Variants in APBB1 observed in about 807,000 individuals in gnomAD.
APBB1 encodes amyloid beta precursor protein binding family B member 1.
APBB1 carries 22 observed loss-of-function variants against 78.4 expected under a neutral mutation model. The ratio of observed to expected loss-of-function variants is 0.28; its 90% CI spans 0.20 to 0.40. The LOEUF (loss-of-function observed/expected upper bound fraction) is 0.40. Among genes scored for constraint, APBB1 ranks in the 10% least tolerant of loss-of-function variants. APBB1 has a pLI of 1.00. For synonymous variants in APBB1, 369 were observed against 372.7 expected (o/e 0.99, Z 0.12); for missense variants, 749 against 932.4 (o/e 0.80, Z 2.56).
Position 6,401,894 on chromosome 11 carries a change from G to C in APBB1, c.1388+83C>G. On this transcript the variant is annotated intron_variant, in intron 9 of 14. Coordinates refer to ENST00000609360, the MANE Select transcript of APBB1 (RefSeq NM_001164.5). The surrounding 1 kb of genome is among the most constrained non-coding windows in gnomAD (Gnocchi z 4.5). Reference sequence around the variant, plus strand: ...GGGTAATGGTGGAGCATAGCGGGTGGGAAGGGGCAGGGCAGAAGAGGGGAG... The same window carrying C: ...GGGTAATGGTGGAGCATAGCGGGTGCGAAGGGGCAGGGCAGAAGAGGGGAG... 1 of 1,538,316 alleles carries C rather than the reference G, an allele frequency of 6.5e-7. No homozygotes were observed.
In APBB1 at chr11:6,395,906, G is replaced by A; in HGVS notation, c.1845C>T (p.Gly615=). 5.0e-6 allele frequency: 8 copies of A among 1,613,958 alleles called. No homozygotes were observed. The highest frequency in any genetic ancestry group is 6.8e-6 in the Non-Finnish European group (8 of 1,180,006). Residue 615 remains glycine, a synonymous_variant, in exon 14 of 15, where the codon GGC becomes GGT. Transcript: ENST00000609360. This position sits in a 1 kb window ranked among gnomAD's most constrained non-coding sequence, Gnocchi z 5.2. The stretch of plus-strand genomic sequence containing the variant: ...TGAATGCAAACGTGTGGACATCTCT[G>A]CCCACGGCCAGGAAGGAGAGGAAAC... ...RVRFLSFLAV[G]RDVHTFAFIM...
rs1848157226 is a variant in APBB1 at position 6,395,473 on chromosome 11, C to T, written c.*61G>A. ...GAATAGCCTCTAGACCCCTCCCTGA[C>T]CCACACCCTTTAGTTCCCTGGGGCC... On this transcript the variant is annotated 3_prime_UTR_variant, in exon 15 of 15. Transcript: ENST00000609360. This position sits in a 1 kb window ranked among gnomAD's most constrained non-coding sequence, Gnocchi z 5.2. The T allele has an allele frequency of 1.7e-5, 25 of 1,475,512 alleles. No individual in the cohort carries two copies. Among genetic ancestry groups the T allele is most frequent in the Middle Eastern group, 2.5e-4 (1 of 3,930 alleles). The allele number at this position is 1,475,512 out of a possible 1,614,324, so 91.4% of individuals were successfully genotyped here.
chr11:6,396,059 T>C, intron 13 of APBB1, 41 bp downstream of exon 13: 4 of 1,600,170 alleles, frequency 2.5e-6, no homozygotes, highest in Non-Finnish European at 3.4e-6. Context: ...GTCTCCCCTC[T>C]ATGGCAAGGC....
intron 2 of APBB1, chr11:6,404,775 G>C: frequency 1.3e-6 from 2 of 1,536,318 alleles, no homozygotes; most frequent in Non-Finnish European, 1.7e-6. Context: ...ATAATGGCCA[G>C]GAAAAAGTCC....
rs966637934 is a variant in APBB1, at chr11:6,403,953, G to A, written c.722-131C>T. The A allele has an allele frequency of 1.0e-6, 1 of 1,003,498 alleles. No individual in the cohort carries two copies. The highest frequency in any genetic ancestry group is 1.4e-6 in the Non-Finnish European group (1 of 706,442). 62.2% of individuals were successfully genotyped at this position (1,003,498 alleles called of 1,614,324 possible). A position where few individuals can be genotyped will look rare whatever the true frequency, so the allele number is the denominator to read the frequency against. Reference sequence around the variant, plus strand: ...AGAGCTATACCACAACACAGTTCCTGCTTCTGCCTAGAGCCTATAGTCTGG... The same window carrying A: ...AGAGCTATACCACAACACAGTTCCTACTTCTGCCTAGAGCCTATAGTCTGG... On this transcript the variant is annotated intron_variant, in intron 2 of 14. Coordinates refer to ENST00000609360, the MANE Select transcript of APBB1 (RefSeq NM_001164.5). This position sits in a 1 kb window ranked among gnomAD's most constrained non-coding sequence, Gnocchi z 5.3.
intron 2 of APBB1, among the ~76,000 whole-genome samples, chr11:6,408,230 A>G (rs912931774): frequency 1.3e-5 from 2 of 152,250 alleles, no homozygotes; most frequent in African/African-American, 4.8e-5. Flanking sequence ...ACCACAGGAG[A>G]GAGTCTGAAA....
chr11:6,405,507 C>G (rs1848766641), intron 2 of APBB1: 1 of 986,510 alleles, frequency 1.0e-6, no homozygotes, highest in Admixed American at 6.1e-5. Flanking sequence ...CCTGACTGGT[C>G]CAAGAGGCAG....
chr11:6,407,419 C>A (rs1156575755), intron 2 of APBB1, among the ~76,000 whole-genome samples: 2 of 152,250 alleles, frequency 1.3e-5, no homozygotes, highest in African/African-American at 2.4e-5. Context: ...AAGTGAGCAA[C>A]TAGGCCTCTA....
At chr11:6,412,447 G>C (rs979101478) in intron 1 of APBB1, among the ~76,000 whole-genome samples, 6 of 152,050 alleles carry the variant, frequency 3.9e-5, no homozygotes, top group African/African-American at 1.4e-4. Flanking sequence ...CACTGCGTCC[G>C]GCCCAGCCTT....
chr11:6,402,429 C>T (rs1005559919), intron 7 of APBB1, 147 bp downstream of exon 7: 18 of 1,106,810 alleles, frequency 1.6e-5, no homozygotes, highest in African/African-American at 4.7e-5. Context: ...GGCCTGGGGT[C>T]GCTCATCCAT....
At chr11:6,412,963 C>T (rs1849012530) in intron 1 of APBB1, among the ~76,000 whole-genome samples, 1 of 152,076 alleles carries the variant, frequency 6.6e-6, no homozygotes, top group Non-Finnish European at 1.5e-5. Flanking sequence ...AGTTTCTCCG[C>T]AACCATTTGA....
intron 12 of APBB1, chr11:6,396,438 G>C (rs1422993799): frequency 1.2e-5 from 6 of 515,638 alleles, no homozygotes; most frequent in Non-Finnish European, 2.0e-5. Flanking sequence ...TTGGATCCTA[G>C]GCTCGTTATT....
Position 6,410,621 on chromosome 11 carries a change from A to G in APBB1, c.721+6T>C. Reference sequence around the variant, plus strand: ...CCACATGCCCATGTCAAGCTCCACAAGGTACCTGTGTCCTCTGGGGAGCCA... The same window carrying G: ...CCACATGCCCATGTCAAGCTCCACAGGGTACCTGTGTCCTCTGGGGAGCCA... On this transcript the variant is annotated splice_donor_region_variant and intron_variant, in intron 2 of 14. Coordinates refer to ENST00000609360, the MANE Select transcript of APBB1 (RefSeq NM_001164.5). 12 of 1,512,344 alleles carry G rather than the reference A, an allele frequency of 7.9e-6. No homozygotes were observed. The highest frequency in any genetic ancestry group is 1.1e-5 in the Non-Finnish European group (12 of 1,131,000). 93.7% of individuals were successfully genotyped at this position (1,512,344 alleles called of 1,614,324 possible). A position where few individuals can be genotyped will look rare whatever the true frequency, so the allele number is the denominator to read the frequency against.
chr11:6,395,790 C>G lies in APBB1; in HGVS notation c.1961G>C (p.Cys654Ser). 1 of 1,613,846 alleles carries G rather than the reference C, an allele frequency of 6.2e-7. No individual in the cohort carries two copies. ...ACCACCCTACTAGTAGCTTACCATG[C>G]ACGCAGCCTGCACAGCCTCTGAGAG... ...ASLSEAVQAA[C>S]MLRYQKCLDA... Residue 654 changes from cysteine (C) to serine (S), a missense_variant, in exon 14 of 15, where the codon TGC becomes TCC. By Grantham distance (112) the Cys-to-Ser change is moderately radical (BLOSUM62 -1). Transcript: ENST00000609360. The surrounding 1 kb of genome is among the most constrained non-coding windows in gnomAD (Gnocchi z 5.2).
At chr11:6,408,918 C>A (rs527536358) in intron 2 of APBB1, among the ~76,000 whole-genome samples, 1 of 152,048 alleles carries the variant, frequency 6.6e-6, no homozygotes. Flanking sequence ...GGATTACAGG[C>A]GTGAGCCACT....
At chr11:6,402,843 A>G (rs963759043) in intron 6 of APBB1, 118 bp from the exon 7 acceptor site, 9 of 1,307,428 alleles carry the variant, frequency 6.9e-6, no homozygotes, top group Admixed American at 2.0e-5. Context: ...AAGCTCCCCA[A>G]ACAGGATGTG....
intron 1 of APBB1, among the ~76,000 whole-genome samples, chr11:6,415,004 C>A (rs945625578): frequency 6.6e-6 from 1 of 152,154 alleles, no homozygotes; most frequent in Non-Finnish European, 1.5e-5. Flanking sequence ...GTCACCAGGG[C>A]AGGAAGTATT....
intron 2 of APBB1, 69 bp downstream of exon 2, chr11:6,410,558 C>T: frequency 1.4e-6 from 2 of 1,383,736 alleles, no homozygotes; most frequent in Non-Finnish European, 1.9e-6. Flanking sequence ...TGGCACTGGC[C>T]TCTGTATGAG....
In APBB1 at chr11:6,411,972, C is replaced by A. The variant is rs1261757702; in HGVS notation, c.-14-611G>T. On this transcript the variant is annotated intron_variant, in intron 1 of 14. Transcript: ENST00000609360. This position sits in a 1 kb window ranked among gnomAD's most constrained non-coding sequence, Gnocchi z 5.2. ...CAGGTCACAGAGGGAGGGCGCTCGG[C>A]TGCAATTCATGGCTTCTCTGGCCAG... Among the ~76,000 whole-genome samples, 1 of 152,232 alleles carries A rather than the reference C, an allele frequency of 6.6e-6. No homozygotes were observed. The highest frequency in any genetic ancestry group is 2.4e-5 in the African/African-American group (1 of 41,450).
Sources: gnomAD v4.1 joint callset for allele counts (sites outside exome capture counted in the v4.1 genomes callset) on GRCh38, gnomAD v4.1.1 for gene constraint, Gnocchi (gnomAD v3.1) non-coding constraint, MANE v1.5 for transcripts, NCBI Gene and HGNC (gene_info 2026-07-23, HGNC 2026-07-21) for gene names.